Variants in TMEM132D observed in about 807,000 individuals in gnomAD.
TMEM132D encodes mature OL transmembrane protein.
TMEM132D carries 21 observed loss-of-function variants against 62.3 expected under a neutral mutation model. That is an observed-to-expected ratio of 0.34 (90% CI 0.24 to 0.49). TMEM132D has a LOEUF of 0.49. Ranked by LOEUF, TMEM132D falls within the 20% of genes least tolerant of loss-of-function variation. The pLI is 0.99. For synonymous variants in TMEM132D, 621 were observed against 575.6 expected (o/e 1.08, Z -1.13); for missense variants, 1,346 against 1,402.8 (o/e 0.96, Z 0.65).
At chr12:129,396,201 C>T (rs1445286524) in intron 3 of TMEM132D, among the ~76,000 whole-genome samples, 2 of 152,022 alleles carry the variant, frequency 1.3e-5, no homozygotes, top group South Asian at 2.1e-4. Flanking sequence ...AACACACTTA[C>T]GTAAAGGACA....
chr12:129,308,411 T>C (rs927339816), intron 4 of TMEM132D, among the ~76,000 whole-genome samples: 36 of 152,330 alleles, frequency 2.4e-4, no homozygotes, highest in Admixed American at 1.1e-3. Context: ...GAAAGGAATC[T>C]AATTTGCATT....
intron 5 of TMEM132D, among the ~76,000 whole-genome samples, chr12:129,112,683 G>A (rs1354690991): frequency 1.3e-5 from 2 of 152,182 alleles, no homozygotes; most frequent in African/African-American, 4.8e-5. Flanking sequence ...AATTAAGTAA[G>A]ATTAAAGATT....
chr12:129,726,542 G>T (rs1290189677), intron 1 of TMEM132D, among the ~76,000 whole-genome samples: 2 of 152,106 alleles, frequency 1.3e-5, no homozygotes, highest in Non-Finnish European at 2.9e-5. Flanking sequence ...GATCACAAAG[G>T]GTCTGTGGAC....
chr12:129,420,374 A>C (rs973261674), intron 3 of TMEM132D, among the ~76,000 whole-genome samples: 2 of 135,516 alleles, frequency 1.5e-5, no homozygotes, highest in Admixed American at 8.4e-5. Flanking sequence ...ACTGTCAATC[A>C]TCTTTCCTAC....
chr12:129,441,326 T>A (rs1396374505), intron 3 of TMEM132D, among the ~76,000 whole-genome samples: 1 of 152,164 alleles, frequency 6.6e-6, no homozygotes, highest in African/African-American at 2.4e-5. Context: ...TGGGTAGATG[T>A]AGACCCAGGT....
chr12:129,303,789 G>T (rs1184599158), intron 4 of TMEM132D, among the ~76,000 whole-genome samples: 1 of 148,614 alleles, frequency 6.7e-6, no homozygotes, highest in Non-Finnish European at 1.5e-5. Context: ...AGCTGGTGAT[G>T]TGATTTGGAA....
chr12:129,543,285 AGTGG>A lies in TMEM132D; in HGVS notation c.969-12084_969-12081del, dbSNP rs1239051230. ...TGGATGGATGAGTAGGGGGTGAGTA[AGTGG>A]GTGGGTGGGTGGGTGGATGGATAGA... On this transcript the variant is annotated intron_variant, in intron 2 of 8. Transcript: ENST00000422113. 1.7e-3 allele frequency among the ~76,000 whole-genome samples: 20 copies of A among 12,026 alleles called. No individual in the cohort carries two copies. The South Asian group carries it at 0.039, about 23-fold the overall frequency. The allele number at this position is 12,026 out of a possible 152,430, so 7.9% of individuals were successfully genotyped here. A position where few individuals can be genotyped will look rare whatever the true frequency, so the allele number is the denominator to read the frequency against.
intron 1 of TMEM132D, among the ~76,000 whole-genome samples, chr12:129,784,600 C>T (rs146932333): frequency 4.3e-4 from 65 of 152,276 alleles, no homozygotes; most frequent in African/African-American, 1.6e-3. Context: ...CTCTTTTTCT[C>T]TTTCTCTCAT....
chr12:129,705,425 G>GA (rs570867916), intron 1 of TMEM132D, among the ~76,000 whole-genome samples: 56 of 151,818 alleles, frequency 3.7e-4, no homozygotes, highest in Middle Eastern at 3.4e-3. Context: ...TAAAAACTAA[G>GA]AAAAAAAATC....
chr12:129,153,865 T>A (rs1003576174), intron 5 of TMEM132D, among the ~76,000 whole-genome samples: 19 of 152,074 alleles, frequency 1.2e-4, no homozygotes, highest in African/African-American at 4.6e-4. Flanking sequence ...CTGGGAATCA[T>A]TTCCCGGCTC....
At chr12:129,474,736 G>A (rs1874209372) in intron 3 of TMEM132D, among the ~76,000 whole-genome samples, 1 of 152,160 alleles carries the variant, frequency 6.6e-6, no homozygotes, top group Non-Finnish European at 1.5e-5. Flanking sequence ...CTGAATCATG[G>A]GAGGGCTCTA....
intron 1 of TMEM132D, among the ~76,000 whole-genome samples, chr12:129,834,687 C>T (rs749425192): frequency 2.0e-5 from 3 of 152,144 alleles, no homozygotes; most frequent in Non-Finnish European, 4.4e-5. Context: ...CATCAGGCGG[C>T]AGGGCTCACA....
intron 3 of TMEM132D, among the ~76,000 whole-genome samples, chr12:129,513,809 TTTATTTA>T (rs1875575821): frequency 5.1e-5 from 5 of 97,546 alleles, no homozygotes; most frequent in African/African-American, 8.7e-5. Context: ...TTTATTTTTA[TTTATTTA>T]TTTATTTATT....
At chr12:129,150,383 AGT>A (rs1877037431) in intron 5 of TMEM132D, among the ~76,000 whole-genome samples, 1 of 152,244 alleles carries the variant, frequency 6.6e-6, no homozygotes, top group Non-Finnish European at 1.5e-5. Flanking sequence ...CATTTTGCAT[AGT>A]GCTTTACAAA....
At chr12:129,237,617 T>A (rs1879820365) in intron 4 of TMEM132D, among the ~76,000 whole-genome samples, 1 of 152,228 alleles carries the variant, frequency 6.6e-6, no homozygotes. Flanking sequence ...TGGCAATTTT[T>A]AAAACTGTAT....
intron 4 of TMEM132D, among the ~76,000 whole-genome samples, chr12:129,307,172 G>A (rs1220983596): frequency 2.0e-5 from 3 of 151,794 alleles, no homozygotes; most frequent in African/African-American, 4.8e-5. Flanking sequence ...TTCCAAAATG[G>A]GTGCATATGT....
At chr12:129,097,162 A>C (rs1002077459) in intron 5 of TMEM132D, among the ~76,000 whole-genome samples, 3 of 152,248 alleles carry the variant, frequency 2.0e-5, no homozygotes, top group Admixed American at 2.0e-4. Flanking sequence ...AGGGCAGTGT[A>C]GGCTGCTGAG....
At chr12:129,883,845 A>C (rs1874676550) in intron 1 of TMEM132D, among the ~76,000 whole-genome samples, 1 of 152,226 alleles carries the variant, frequency 6.6e-6, no homozygotes, top group Admixed American at 6.5e-5. Flanking sequence ...CTCAAATGCA[A>C]TAAAAGTGAA....
At chr12:129,877,636 G>A (rs1281364761) in intron 1 of TMEM132D, among the ~76,000 whole-genome samples, 1 of 150,372 alleles carries the variant, frequency 6.7e-6, no homozygotes. Flanking sequence ...CACAGAGAGA[G>A]AGAGAGAGAG....
Sources: allele counts gnomAD v4.1 joint callset (sites outside exome capture counted in the v4.1 genomes callset), GRCh38; gene constraint gnomAD v4.1.1; transcripts MANE v1.5; gene names NCBI Gene and HGNC (gene_info 2026-07-23, HGNC 2026-07-21).